The following COL25A1 variants were observed in gnomAD, a reference collection of about 807,000 sequenced individuals.
COL25A1 encodes the protein collagen type XXV alpha 1 chain, also known as collagen alpha-1(XXV) chain.
A neutral mutation model predicts 128.4 loss-of-function variants in COL25A1; 103 were observed. The observed-to-expected ratio is 0.80, with a 90% CI of 0.68 to 0.94. The LOEUF is 0.94. Among genes scored for constraint, COL25A1 ranks in the 40% least tolerant of loss-of-function variants. The pLI, the probability that COL25A1 is intolerant of heterozygous loss-of-function variation, is 0.00. For missense variants in COL25A1, 745 were observed against 840.0 expected (o/e 0.89, Z 1.40); for synonymous variants, 279 against 277.2 (o/e 1.01, Z -0.06).
At chr4:109,175,497 T>C (rs1488120060) in intron 3 of COL25A1, among the ~76,000 whole-genome samples, 1 of 152,198 alleles carries the variant, frequency 6.6e-6, no homozygotes, top group Admixed American at 6.5e-5. Flanking sequence ...GTTCTTCATA[T>C]AAAACACAAT....
chr4:108,828,175 C>A (rs967386302), intron 32 of COL25A1, among the ~76,000 whole-genome samples: 1 of 152,190 alleles, frequency 6.6e-6, no homozygotes, highest in Non-Finnish European at 1.5e-5. Context: ...GAGTCTTGCT[C>A]TGTTGCCCGG....
intron 3 of COL25A1, among the ~76,000 whole-genome samples, chr4:109,182,624 C>T (rs1475635681): frequency 2.6e-5 from 4 of 152,016 alleles, no homozygotes; most frequent in African/African-American, 4.8e-5. Context: ...GAGCCAGGAA[C>T]GCCCAGGTAA....
At chr4:108,854,732 G>A (rs764740772) in intron 24 of COL25A1, among the ~76,000 whole-genome samples, 1 of 152,104 alleles carries the variant, frequency 6.6e-6, no homozygotes, top group African/African-American at 2.4e-5. Flanking sequence ...AAAAGGATGT[G>A]GAGAAATAGG....
At chr4:109,138,071 T>A (rs1304401544) in intron 3 of COL25A1, among the ~76,000 whole-genome samples, 2 of 151,536 alleles carry the variant, frequency 1.3e-5, no homozygotes, top group Non-Finnish European at 2.9e-5. Context: ...CGTACCATGG[T>A]GGTTTGCTGC....
intron 31 of COL25A1, among the ~76,000 whole-genome samples, chr4:108,839,620 CT>C (rs1734194319): frequency 6.6e-6 from 1 of 152,132 alleles, no homozygotes; most frequent in Non-Finnish European, 1.5e-5. Context: ...GACCTAAGTT[CT>C]AGTCCCAGAT....
At chr4:109,145,067 CTT>C (rs11344199) in intron 3 of COL25A1, among the ~76,000 whole-genome samples, 122 of 109,076 alleles carry the variant, frequency 1.1e-3, no homozygotes, top group East Asian at 2.3e-3. Context: ...AAAACCTCAG[CTT>C]TTTTTTTTTT....
At chr4:108,853,104 T>C (rs1735988090) in intron 24 of COL25A1, among the ~76,000 whole-genome samples, 179 bp from the exon 25 acceptor site, 1 of 152,182 alleles carries the variant, frequency 6.6e-6, no homozygotes, top group African/African-American at 2.4e-5. Flanking sequence ...GTTGTAGAGA[T>C]TTTTTAAAAA....
intron 26 of COL25A1, among the ~76,000 whole-genome samples, chr4:108,850,333 C>T (rs1265229486): frequency 1.3e-5 from 2 of 152,122 alleles, no homozygotes; most frequent in African/African-American, 2.4e-5. Flanking sequence ...GTACTTGACT[C>T]AGGCTACATT....
chr4:109,292,023 A>T (rs183834208), intron 3 of COL25A1, among the ~76,000 whole-genome samples: 2 of 152,232 alleles, frequency 1.3e-5, no homozygotes, highest in East Asian at 3.9e-4. Context: ...TATTTCAAAG[A>T]TCACTTCTGT....
At chr4:109,032,418 T>C (rs2125916742) in intron 5 of COL25A1, among the ~76,000 whole-genome samples, 1 of 152,340 alleles carries the variant, frequency 6.6e-6, no homozygotes, top group Admixed American at 6.5e-5. Context: ...CAGGGGAACT[T>C]ATGGTCACAA....
intron 3 of COL25A1, among the ~76,000 whole-genome samples, chr4:109,259,497 T>C (rs1475912539): frequency 1.3e-5 from 2 of 152,206 alleles, no homozygotes; most frequent in Non-Finnish European, 2.9e-5. Flanking sequence ...CTGTGACTAA[T>C]GGCATTTTCC....
chr4:109,202,865 G>A (rs1200933120), intron 3 of COL25A1, among the ~76,000 whole-genome samples: 5 of 152,000 alleles, frequency 3.3e-5, no homozygotes, highest in Non-Finnish European at 7.4e-5. Context: ...ATCTTATAAA[G>A]ATAGATAAGT....
At chr4:108,972,333 A>G (rs150914862) in intron 8 of COL25A1, among the ~76,000 whole-genome samples, 141 of 152,294 alleles carry the variant, frequency 9.3e-4, no homozygotes, top group African/African-American at 3.2e-3. Context: ...CTAAATAGAG[A>G]ATGTGGGTAA....
At chr4:109,118,014 T>C (rs1353627757) in intron 3 of COL25A1, among the ~76,000 whole-genome samples, 2 of 151,676 alleles carry the variant, frequency 1.3e-5, no homozygotes, top group East Asian at 3.9e-4. Flanking sequence ...AAATGTAGAA[T>C]ATAAAATAGA....
intron 8 of COL25A1, among the ~76,000 whole-genome samples, chr4:108,946,019 G>A (rs577534792): frequency 2.0e-5 from 3 of 152,026 alleles, no homozygotes; most frequent in Non-Finnish European, 2.9e-5. Context: ...TTAAGAAATC[G>A]GATGTATAAG....
chr4:109,275,864 G>A (rs1267638753), intron 3 of COL25A1, among the ~76,000 whole-genome samples: 1 of 152,172 alleles, frequency 6.6e-6, no homozygotes, highest in Non-Finnish European at 1.5e-5. Context: ...AAAATGGCAA[G>A]AGGCCTTCTA....
At chr4:108,898,863 C>T (rs1742460864) in intron 15 of COL25A1, among the ~76,000 whole-genome samples, 2 of 152,078 alleles carry the variant, frequency 1.3e-5, no homozygotes, top group African/African-American at 4.8e-5. Context: ...TACATCGGCA[C>T]CTTTCTCTTT....
At chr4:109,171,545 T>C (rs984589367) in intron 3 of COL25A1, among the ~76,000 whole-genome samples, 1 of 152,130 alleles carries the variant, frequency 6.6e-6, no homozygotes, top group Non-Finnish European at 1.5e-5. Context: ...ACAGACTAAT[T>C]TCATTTTTTC....
At chr4:108,952,222 T>C (rs1749516466) in intron 8 of COL25A1, among the ~76,000 whole-genome samples, 1 of 152,202 alleles carries the variant, frequency 6.6e-6, no homozygotes, top group East Asian at 1.9e-4. Context: ...TAATGAGAAC[T>C]AGTATGATCA....
Sources: gnomAD v4.1 joint callset for allele counts (sites outside exome capture counted in the v4.1 genomes callset) on GRCh38, gnomAD v4.1.1 for gene constraint, MANE v1.5 for transcripts, NCBI Gene and HGNC (gene_info 2026-07-23, HGNC 2026-07-21) for gene names.